The following SLC40A1 variants were observed in gnomAD, a reference collection of about 807,000 sequenced individuals.
SLC40A1 encodes solute carrier family 40 member 1, also known as ferroportin.
Under a neutral mutation model 53.5 loss-of-function variants are expected in SLC40A1, and 16 were observed. The observed-to-expected ratio is 0.30, with a 90% CI of 0.20 to 0.45. The LOEUF (loss-of-function observed/expected upper bound fraction) is 0.45, where lower values mean the gene tolerates loss of function less well. SLC40A1 is among the 20% of genes least tolerant of loss of function. The pLI is 1.00. For missense variants in SLC40A1, 545 were observed against 695.4 expected, an observed-to-expected ratio of 0.78 and a Z score of 2.43; for synonymous variants, 247 against 253.2, an observed-to-expected ratio of 0.98 and a Z score of 0.23.
intron 2 of SLC40A1, 124 bp downstream of exon 2, chr2:189,579,689 T>C: frequency 1.2e-6 from 1 of 842,052 alleles, no homozygotes; most frequent in Admixed American, 1.8e-5. Context: ...AAAGCATGTG[T>C]ACTTGGATGA....
chr2:189,574,276 T>C (rs1008905173), intron 3 of SLC40A1, among the ~76,000 whole-genome samples: 4 of 152,210 alleles, frequency 2.6e-5, no homozygotes, highest in Admixed American at 1.3e-4. Flanking sequence ...TGCAAAGAAG[T>C]AAATTTTTTT....
In SLC40A1 at chr2:189,562,181, G is replaced by C. The variant is rs531382859; in HGVS notation, c.1413C>G (p.Ser471=). 11 of 1,609,198 alleles carry C rather than the reference G, an allele frequency of 6.8e-6. No individual in the cohort carries two copies. The East Asian group carries it at 2.5e-4, about 36-fold the overall frequency. ...GCAACTGTGTCACAGTTAAATCAAA[G>C]GACCAAAGACCTATAATAAAATATT... ...GVIAARIGLW[S]FDLTVTQLLQ... is the part of the protein sequence containing the mutation. Residue 471 remains serine, a synonymous_variant, in exon 8 of 8, where the codon TCC becomes TCG. Coordinates refer to ENST00000261024, the MANE Select transcript of SLC40A1 (RefSeq NM_014585.6).
chr2:189,571,266 GGAA>G lies in SLC40A1; in HGVS notation c.514+446_514+448del, dbSNP rs544238982. On this transcript the variant is annotated intron_variant, in intron 5 of 7. Coordinates refer to ENST00000261024, the MANE Select transcript of SLC40A1 (RefSeq NM_014585.6). ...AAATTATAGATTATAACTTTAAGAT[GGAA>G]GAAATTAACTTCTAGAGTCTCTCCT... Among the ~76,000 whole-genome samples, 13 of 151,988 alleles carry G rather than the reference GGAA, an allele frequency of 8.6e-5. 1 individual carries two copies. In the East Asian group the frequency reaches 2.5e-3, roughly 29 times the overall value.
At chr2:189,563,442 T>C in intron 7 of SLC40A1, 142 bp downstream of exon 7, 3 of 648,180 alleles carry the variant, frequency 4.6e-6, no homozygotes, top group Non-Finnish European at 7.6e-6. Context: ...AGTATAAATA[T>C]GTAAAATAAA....
chr2:189,570,854 T>C (rs1424009188), intron 5 of SLC40A1, among the ~76,000 whole-genome samples: 1 of 152,224 alleles, frequency 6.6e-6, no homozygotes, highest in Non-Finnish European at 1.5e-5. Context: ...GGTTTACTTG[T>C]CTGTCAGGAC....
chr2:189,561,805 G>A lies in SLC40A1; in HGVS notation c.*73C>T. On this transcript the variant is annotated 3_prime_UTR_variant, in exon 8 of 8. Coordinates refer to ENST00000261024, the MANE Select transcript of SLC40A1 (RefSeq NM_014585.6). ...AGAGCAAAACACCCAGCCATTTATTGGAATTCTGCAGTACAAAATAAGCAC... is the reference window on the plus strand; with the variant it reads ...AGAGCAAAACACCCAGCCATTTATTAGAATTCTGCAGTACAAAATAAGCAC... 1 of 1,291,584 alleles carries A rather than the reference G, an allele frequency of 7.7e-7. No homozygotes were observed. The highest frequency in any genetic ancestry group is 1.1e-6 in the Non-Finnish European group (1 of 893,350). The allele number at this position is 1,291,584 out of a possible 1,614,324, so 80.0% of individuals were successfully genotyped here.
intron 3 of SLC40A1, among the ~76,000 whole-genome samples, chr2:189,574,460 C>T (rs2031229994): frequency 2.0e-5 from 3 of 152,110 alleles, no homozygotes; most frequent in African/African-American, 7.2e-5. Flanking sequence ...CAGTCTTTTG[C>T]CAACATCTAA....
intron 6 of SLC40A1, among the ~76,000 whole-genome samples, chr2:189,564,705 T>C (rs2030874993): frequency 6.6e-6 from 1 of 151,952 alleles, no homozygotes; most frequent in African/African-American, 2.4e-5. Flanking sequence ...CCGGGTGTGG[T>C]GGTGGATGCC....
intron 6 of SLC40A1, 53 bp downstream of exon 6, chr2:189,565,301 C>T: frequency 6.2e-7 from 1 of 1,608,868 alleles, no homozygotes; most frequent in Non-Finnish European, 8.5e-7. Context: ...TCTTCACCAA[C>T]ATTTAAGGTC....
intron 2 of SLC40A1, 27 bp downstream of exon 2, chr2:189,579,786 G>A: frequency 6.3e-7 from 1 of 1,598,900 alleles, no homozygotes; most frequent in Non-Finnish European, 8.6e-7. Flanking sequence ...GCGCAACTGT[G>A]TTGTAAGACT....
rs555551963 is a variant in SLC40A1 at position 189,568,629 on chromosome 2, T to C, written c.515-3030A>G. Among the ~76,000 whole-genome samples the C allele has an allele frequency of 2.6e-5, 4 of 152,370 alleles. No individual in the cohort carries two copies. The South Asian group carries it at 8.3e-4, about 32-fold the overall frequency. ...AATATGTGTTGATTTGATTCCAATT[T>C]AACTGTTCTCAGCTACAGCTGTGGC... is the stretch of plus-strand genomic sequence containing the variant. On this transcript the variant is annotated intron_variant, in intron 5 of 7. Coordinates refer to ENST00000261024, the MANE Select transcript of SLC40A1 (RefSeq NM_014585.6).
chr2:189,576,850 T>C (rs1282955921), intron 2 of SLC40A1, among the ~76,000 whole-genome samples: 1 of 152,238 alleles, frequency 6.6e-6, no homozygotes, highest in Non-Finnish European at 1.5e-5. Context: ...CTTATTGTAT[T>C]TTTTAATTGT....
In SLC40A1 at chr2:189,572,959, C is replaced by T; in HGVS notation, c.274G>A (p.Ala92Thr). The T allele has an allele frequency of 6.2e-7, 1 of 1,606,866 alleles. No homozygotes were observed. The highest frequency in any genetic ancestry group is 8.5e-7 in the Non-Finnish European group (1 of 1,173,406). Reference sequence around the variant, plus strand: ...TTCTGTACCACCAGCGAGGTCTGGGCCACTGTGCAGAGGAAGAGAGAAAGT... The same window carrying T: ...TTCTGTACCACCAGCGAGGTCTGGGTCACTGTGCAGAGGAAGAGAGAAAGT... ...WVDKNARLKVAQTSLVVQNVS... is the reference protein window; with the variant it reads ...WVDKNARLKVTQTSLVVQNVS... Residue 92 changes from alanine (A) to threonine (T), a missense_variant and splice_region_variant, in exon 4 of 8, where the codon GCC becomes ACC. Transcript: ENST00000261024.
chr2:189,572,774 C>A (rs2105629192), intron 4 of SLC40A1, 72 bp downstream of exon 4: 1 of 1,100,972 alleles, frequency 9.1e-7, no homozygotes. Flanking sequence ...AAAATAGCTT[C>A]AAAGCATTTT....
chr2:189,562,769 G>A lies in SLC40A1; in HGVS notation c.1403-578C>T, dbSNP rs977723895. On this transcript the variant is annotated intron_variant, in intron 7 of 7. Coordinates refer to ENST00000261024, the MANE Select transcript of SLC40A1 (RefSeq NM_014585.6). ...TTAATTATTACTTAAATTTTGCTTT[G>A]TAAGAAGTCTTTATGTTTCCTTCCA... Among the ~76,000 whole-genome samples, 9 of 152,134 alleles carry A rather than the reference G, an allele frequency of 5.9e-5. No homozygotes were observed. The East Asian group carries it at 1.7e-3, about 29-fold the overall frequency.
chr2:189,567,020 T>C (rs936880849), intron 5 of SLC40A1, among the ~76,000 whole-genome samples: 1 of 152,074 alleles, frequency 6.6e-6, no homozygotes, highest in African/African-American at 2.4e-5. Flanking sequence ...CAAACAAAAG[T>C]GACAAAACGA....
chr2:189,579,669 C>T (rs1457815219), intron 2 of SLC40A1, 144 bp downstream of exon 2: 6 of 749,136 alleles, frequency 8.0e-6, no homozygotes, highest in South Asian at 1.5e-5. Flanking sequence ...ATGTAAATAA[C>T]GTTTTCATTA....
intron 3 of SLC40A1, 28 bp from the exon 4 acceptor site, chr2:189,572,989 A>G (rs544044469): frequency 7.6e-6 from 11 of 1,453,680 alleles, no homozygotes; most frequent in South Asian, 6.8e-5. Flanking sequence ...GAAAGTGTAC[A>G]TTACATCAAA....
At position 189,572,697 on chromosome 2, in the gene SLC40A1, A is replaced by T. The variant is rs920843234; in HGVS notation, c.387+149T>A. 4 of 662,594 alleles carry T rather than the reference A, an allele frequency of 6.0e-6. No individual in the cohort carries two copies. The Admixed American group carries it at 1.0e-4, about 17-fold the overall frequency. 41.0% of individuals were successfully genotyped at this position (662,594 alleles called of 1,614,324 possible). On this transcript the variant is annotated intron_variant, in intron 4 of 7. Transcript: ENST00000261024. ...CTGTTGTGGGCAAAACAACAACAAA[A>T]CAAACTATAGGGGATATTACAGTAG...
Sources: allele counts gnomAD v4.1 joint callset (sites outside exome capture counted in the v4.1 genomes callset), GRCh38; gene constraint gnomAD v4.1.1; transcripts MANE v1.5; gene names NCBI Gene and HGNC (gene_info 2026-07-23, HGNC 2026-07-21).